TBC1D22A: variants seen among roughly 807,000 people sequenced by gnomAD.
TBC1D22A encodes the protein putative GTPase activator.
A neutral mutation model predicts 60.2 loss-of-function variants in TBC1D22A; 38 were observed. That is an observed-to-expected ratio of 0.63 (90% CI 0.49 to 0.83). The LOEUF is 0.83. Ranked by LOEUF, TBC1D22A falls within the 40% of genes least tolerant of loss-of-function variation. The pLI is 0.00. For missense variants in TBC1D22A, 628 were observed against 701.0 expected (o/e 0.90, Z 1.18); for synonymous variants, 302 against 281.7 (o/e 1.07, Z -0.72).
intron 8 of TBC1D22A, 105 bp from the exon 9 acceptor site, chr22:46,974,185 G>C: frequency 1.2e-6 from 1 of 860,430 alleles, no homozygotes; most frequent in Non-Finnish European, 1.9e-6. Flanking sequence ...AGTGGGTGGA[G>C]GGAGCTGGAT....
chr22:47,164,029 C>T (rs1385667337), intron 12 of TBC1D22A, among the ~76,000 whole-genome samples: 5 of 152,218 alleles, frequency 3.3e-5, no homozygotes, highest in South Asian at 4.1e-4. Context: ...CAGCCATCAC[C>T]GCGCCAGGTA....
Position 46,896,478 on chromosome 22 carries a change from C to T in TBC1D22A, c.900+1632C>T, listed in dbSNP as rs146786544. On this transcript the variant is annotated intron_variant, in intron 7 of 12. Transcript: ENST00000337137. ...TTTCATCCAGAAGTTTTGCTTTTCA[C>T]GCCTCTGTGTTCAGTTCATCTGCAG... Among the ~76,000 whole-genome samples the T allele has an allele frequency of 4.0e-4, 61 of 152,260 alleles. 1 individual carries two copies. The highest frequency in any genetic ancestry group is 9.6e-4 in the East Asian group (5 of 5,188).
At chr22:47,147,750 C>G (rs533660512) in intron 12 of TBC1D22A, among the ~76,000 whole-genome samples, 1 of 152,378 alleles carries the variant, frequency 6.6e-6, no homozygotes, top group South Asian at 2.1e-4. Flanking sequence ...GCGGGTCCAG[C>G]AGTGAGCACA....
At chr22:47,123,358 G>A (rs567872747) in intron 12 of TBC1D22A, among the ~76,000 whole-genome samples, 18 of 152,334 alleles carry the variant, frequency 1.2e-4, no homozygotes, top group Middle Eastern at 3.4e-3. Context: ...CACCTGGCGC[G>A]TGGTCGGAAT....
Position 47,028,849 on chromosome 22 carries a change from T to C in TBC1D22A, c.1202-8222T>C, listed in dbSNP as rs538869597. ...TGGGAGCATTCTGTTTGTCCCCAAA[T>C]GTGGGACACCACCGCACGATCCTGA... On this transcript the variant is annotated intron_variant, in intron 10 of 12. Coordinates refer to ENST00000337137, the MANE Select transcript of TBC1D22A (RefSeq NM_014346.5). This position sits in a 1 kb window ranked among gnomAD's most constrained non-coding sequence, Gnocchi z 4.4. 6.6e-6 allele frequency among the ~76,000 whole-genome samples: 1 copy of C among 152,278 alleles called. No individual in the cohort carries two copies. The highest frequency in any genetic ancestry group is 2.1e-4 in the South Asian group (1 of 4,826).
chr22:46,931,067 C>T (rs1406984625), intron 8 of TBC1D22A, among the ~76,000 whole-genome samples: 3 of 152,344 alleles, frequency 2.0e-5, no homozygotes, highest in Admixed American at 6.5e-5. Context: ...CCTGTTCTAC[C>T]TCTGGACCGC....
intron 5 of TBC1D22A, among the ~76,000 whole-genome samples, chr22:46,880,806 T>A (rs2067813366): frequency 6.6e-6 from 1 of 152,014 alleles, no homozygotes; most frequent in African/African-American, 2.4e-5. Flanking sequence ...AGACTTGCAG[T>A]CACAAGGGAT....
rs747481407 is a variant in TBC1D22A, at chr22:46,874,562, C to CTT, written c.638-4062_638-4061dup. Among the ~76,000 whole-genome samples, 142 of 40,784 alleles carry CTT rather than the reference C, an allele frequency of 3.5e-3. 25 individuals are homozygous for CTT. The highest frequency in any genetic ancestry group is 3.9e-3 in the Non-Finnish European group (94 of 23,972). The allele number at this position is 40,784 out of a possible 152,430, so 26.8% of individuals were successfully genotyped here. ...TATGTTTGTTTGGCTACAGGTATGTCTTTTTTTTTTTTTTTTTTTTTTTTT... is the reference window on the plus strand; with the variant it reads ...TATGTTTGTTTGGCTACAGGTATGTCTTTTTTTTTTTTTTTTTTTTTTTTTTT... On this transcript the variant is annotated intron_variant, in intron 4 of 12. Transcript: ENST00000337137.
intron 5 of TBC1D22A, among the ~76,000 whole-genome samples, chr22:46,886,911 G>T (rs1243704966): frequency 1.3e-5 from 2 of 152,196 alleles, no homozygotes; most frequent in Non-Finnish European, 2.9e-5. Context: ...ACAAATAGGT[G>T]GTGGGCCGTA....
chr22:46,800,088 G>A (rs1052356813), intron 4 of TBC1D22A, among the ~76,000 whole-genome samples: 4 of 152,136 alleles, frequency 2.6e-5, no homozygotes, highest in Non-Finnish European at 2.9e-5. Context: ...GTGGAGAACC[G>A]CCTTAGTCTT....
intron 10 of TBC1D22A, among the ~76,000 whole-genome samples, chr22:47,013,038 T>C (rs1171175318): frequency 2.0e-5 from 3 of 152,172 alleles, no homozygotes; most frequent in South Asian, 4.1e-4. Context: ...GCTCCCTGCA[T>C]CTGGCCCTCC....
rs369172180 is a variant in TBC1D22A at position 47,173,448 on chromosome 22, C to G, written c.1426-50C>G. 1.9e-6 allele frequency: 3 copies of G among 1,603,400 alleles called. No homozygotes were observed. In the African/African-American group the frequency reaches 4.0e-5, roughly 21 times the overall value. On this transcript the variant is annotated intron_variant, in intron 12 of 12. Coordinates refer to ENST00000337137, the MANE Select transcript of TBC1D22A (RefSeq NM_014346.5). ...CTCCAGTTTTCTGGGGTCACCCGCC[C>G]TCCACCGTGGGTCACCTCCTCTGAC...
intron 12 of TBC1D22A, among the ~76,000 whole-genome samples, chr22:47,152,035 T>C (rs1314988438): frequency 6.6e-6 from 1 of 152,126 alleles, no homozygotes; most frequent in Non-Finnish European, 1.5e-5. Flanking sequence ...CGTGTGAGGG[T>C]TCCTCTGGGC....
At chr22:46,982,328 A>G (rs1270725532) in intron 9 of TBC1D22A, among the ~76,000 whole-genome samples, 1 of 151,726 alleles carries the variant, frequency 6.6e-6, no homozygotes, top group Non-Finnish European at 1.5e-5. Flanking sequence ...GGTTCAAGCA[A>G]TTCTCCTGCC....
chr22:46,833,537 T>A (rs1569105654), intron 4 of TBC1D22A, among the ~76,000 whole-genome samples: 1 of 152,232 alleles, frequency 6.6e-6, no homozygotes, highest in Non-Finnish European at 1.5e-5. Flanking sequence ...CTACTGTCCC[T>A]GTCCTTAAGG....
intron 12 of TBC1D22A, among the ~76,000 whole-genome samples, chr22:47,147,592 T>C (rs1174499516): frequency 6.6e-6 from 1 of 152,246 alleles, no homozygotes; most frequent in African/African-American, 2.4e-5. Context: ...CCCTGCTGTT[T>C]CCATCCGGGC....
At chr22:47,067,888 G>A (rs144724208) in intron 11 of TBC1D22A, among the ~76,000 whole-genome samples, 2 of 152,262 alleles carry the variant, frequency 1.3e-5, no homozygotes, top group African/African-American at 2.4e-5. Flanking sequence ...TCTGTCTGTC[G>A]ACCACCTGTT....
At chr22:46,807,745 A>G (rs2085210177) in intron 4 of TBC1D22A, among the ~76,000 whole-genome samples, 1 of 152,208 alleles carries the variant, frequency 6.6e-6, no homozygotes, top group African/African-American at 2.4e-5. Flanking sequence ...GATTTAATCC[A>G]GGCTTCTTTG....
At chr22:47,110,465 C>G (rs191970966) in intron 11 of TBC1D22A, among the ~76,000 whole-genome samples, 1 of 152,228 alleles carries the variant, frequency 6.6e-6, no homozygotes, top group South Asian at 2.1e-4. Flanking sequence ...GGCAACAGAG[C>G]GAAATTCCAT....
Sources: allele counts gnomAD v4.1 joint callset (sites outside exome capture counted in the v4.1 genomes callset), GRCh38; gene constraint gnomAD v4.1.1; non-coding constraint Gnocchi (gnomAD v3.1); transcripts MANE v1.5; gene names NCBI Gene and HGNC (gene_info 2026-07-23, HGNC 2026-07-21).